The following ITPR2 variants were observed in gnomAD, a reference collection of about 807,000 sequenced individuals.
The protein encoded by ITPR2 is inositol 1,4,5-trisphosphate receptor type 2.
ITPR2 carries 207 observed loss-of-function variants against 317.1 expected under a neutral mutation model. The ratio of observed to expected loss-of-function variants is 0.65; its 90% CI spans 0.58 to 0.73. ITPR2 has a LOEUF of 0.73. ITPR2 is among the 30% of genes least tolerant of loss of function. The pLI, the probability that ITPR2 is intolerant of heterozygous loss-of-function variation, is 0.00. For synonymous variants in ITPR2, 1,156 were observed against 1,149.1 expected (o/e 1.01, Z -0.12); for missense variants, 2,613 against 3,284.0 (o/e 0.80, Z 4.99).
chr12:26,397,974 G>A (rs1258303689), intron 54 of ITPR2, among the ~76,000 whole-genome samples: 1 of 151,916 alleles, frequency 6.6e-6, no homozygotes, highest in Non-Finnish European at 1.5e-5. Flanking sequence ...GGGCAGAGCT[G>A]AGGGGGATGA....
chr12:26,784,270 T>A (rs73298531), intron 2 of ITPR2, among the ~76,000 whole-genome samples: 3 of 49,102 alleles, frequency 6.1e-5, no homozygotes, highest in Non-Finnish European at 1.1e-4. Context: ...CCTCTCCCTC[T>A]CCCTCTCCCT....
intron 21 of ITPR2, among the ~76,000 whole-genome samples, chr12:26,639,576 C>A (rs1284008480): frequency 4.6e-5 from 7 of 151,334 alleles, no homozygotes; most frequent in Non-Finnish European, 7.4e-5. Flanking sequence ...CCCAGTAACT[C>A]GTCATTTAAC....
At chr12:26,539,702 C>G (rs1427679036) in intron 37 of ITPR2, among the ~76,000 whole-genome samples, 1 of 152,168 alleles carries the variant, frequency 6.6e-6, no homozygotes, top group African/African-American at 2.4e-5. Context: ...AACAGCAGTC[C>G]CCTGGTCCCA....
intron 51 of ITPR2, 43 bp downstream of exon 51, chr12:26,415,260 T>C (rs745700342): frequency 7.7e-7 from 1 of 1,297,456 alleles, no homozygotes; most frequent in Admixed American, 2.1e-5. Context: ...ACACAAGTCA[T>C]ATCTGCCATC....
chr12:26,461,391 T>C (rs1942015516), intron 45 of ITPR2, among the ~76,000 whole-genome samples: 1 of 152,080 alleles, frequency 6.6e-6, no homozygotes, highest in Admixed American at 6.6e-5. Context: ...GCATGCCACC[T>C]GTTTTTTAAA....
chr12:26,464,435 C>G (rs902214332), intron 45 of ITPR2, among the ~76,000 whole-genome samples: 5 of 152,112 alleles, frequency 3.3e-5, no homozygotes, highest in Admixed American at 1.3e-4. Flanking sequence ...CTAATAGCGC[C>G]ACTGATCTAA....
chr12:26,542,184 G>T (rs1048954634), intron 37 of ITPR2, among the ~76,000 whole-genome samples: 2 of 152,218 alleles, frequency 1.3e-5, no homozygotes, highest in Non-Finnish European at 1.5e-5. Flanking sequence ...CTCAGACCGT[G>T]ATCACAAGGT....
intron 35 of ITPR2, among the ~76,000 whole-genome samples, chr12:26,560,759 T>C (rs1301203375): frequency 6.6e-6 from 1 of 152,210 alleles, no homozygotes; most frequent in African/African-American, 2.4e-5. Context: ...TCACACCATT[T>C]AGGTTTCTCA....
At chr12:26,497,397 G>A (rs997002298) in intron 37 of ITPR2, among the ~76,000 whole-genome samples, 3 of 67,770 alleles carry the variant, frequency 4.4e-5, no homozygotes, top group South Asian at 6.3e-4. Context: ...CTCCTGATCC[G>A]CCTGCCTCGG....
chr12:26,698,119 A>G (rs2100208), intron 9 of ITPR2, among the ~76,000 whole-genome samples: 127,537 of 152,160 alleles, frequency 0.84, 53,537 homozygotes, highest in Admixed American at 0.89. Context: ...TGGAACACAA[A>G]CAATAATCAA....
intron 14 of ITPR2, 109 bp downstream of exon 14, chr12:26,665,801 A>C: frequency 1.1e-6 from 1 of 943,866 alleles, no homozygotes; most frequent in Non-Finnish European, 1.6e-6. Context: ...TTCAGCCACT[A>C]AGTTTTGGGA....
At chr12:26,456,472 T>C (rs1409249664) in intron 45 of ITPR2, among the ~76,000 whole-genome samples, 1 of 152,222 alleles carries the variant, frequency 6.6e-6, no homozygotes, top group African/African-American at 2.4e-5. Flanking sequence ...ACCCTTTGTT[T>C]AGCATATAAT....
intron 8 of ITPR2, among the ~76,000 whole-genome samples, chr12:26,712,283 T>C (rs556083438): frequency 6.6e-5 from 10 of 152,304 alleles, no homozygotes; most frequent in Admixed American, 1.3e-4. Context: ...TTACGTTCTT[T>C]TTGCTAGTAC....
intron 4 of ITPR2, among the ~76,000 whole-genome samples, chr12:26,722,959 C>CA (rs1351671973): frequency 1.3e-5 from 2 of 152,104 alleles, no homozygotes; most frequent in Non-Finnish European, 2.9e-5. Context: ...AATAATGCAC[C>CA]AACCCACTTA....
At chr12:26,509,220 G>T (rs1387954868) in intron 37 of ITPR2, among the ~76,000 whole-genome samples, 1 of 152,174 alleles carries the variant, frequency 6.6e-6, no homozygotes, top group African/African-American at 2.4e-5. Context: ...ACAGAAAATA[G>T]ATAGCCAAGG....
At chr12:26,557,412 T>C (rs1944692974) in intron 35 of ITPR2, among the ~76,000 whole-genome samples, 1 of 152,220 alleles carries the variant, frequency 6.6e-6, no homozygotes, top group African/African-American at 2.4e-5. Context: ...TGTAGCAATC[T>C]GTCCAGGTAT....
rs138077015 is a variant in ITPR2 at position 26,431,128 on chromosome 12, G to A, written c.6770-3040C>T. Among the ~76,000 whole-genome samples, 404 of 152,018 alleles carry A rather than the reference G, an allele frequency of 2.7e-3. 1 individual carries two copies. The highest frequency in any genetic ancestry group is 9.3e-3 in the African/African-American group (385 of 41,452). On this transcript the variant is annotated intron_variant, in intron 48 of 56. Transcript: ENST00000381340. The stretch of plus-strand genomic sequence containing the variant: ...TTAACAGTGCCTAGCACATAGCGGC[G>A]CTCCACCAACAGTTAAATTGAAGGA...
At chr12:26,570,231 A>G (rs529559861) in intron 34 of ITPR2, among the ~76,000 whole-genome samples, 17 of 152,194 alleles carry the variant, frequency 1.1e-4, no homozygotes, top group Non-Finnish European at 2.4e-4. Flanking sequence ...TCGAGGGTAG[A>G]AAACATGGTT....
intron 2 of ITPR2, among the ~76,000 whole-genome samples, chr12:26,771,907 T>C (rs1320386168): frequency 6.6e-6 from 1 of 152,060 alleles, no homozygotes; most frequent in Non-Finnish European, 1.5e-5. Flanking sequence ...ATATACCTCA[T>C]ATTGCTGTAA....
Sources: allele counts gnomAD v4.1 joint callset (sites outside exome capture counted in the v4.1 genomes callset), GRCh38; gene constraint gnomAD v4.1.1; transcripts MANE v1.5; gene names NCBI Gene and HGNC (gene_info 2026-07-23, HGNC 2026-07-21).